The following UMAD1 variants were observed in gnomAD, a reference collection of about 807,000 sequenced individuals.
UMAD1 encodes the protein UBAP1-MVB12-associated (UMA)-domain containing protein 1.
A neutral mutation model predicts 6.1 loss-of-function variants in UMAD1; 8 were observed. The observed-to-expected ratio is 1.30, with a 90% confidence interval of 0.76 to 2.35. UMAD1 has a LOEUF of 2.35. Ranked by LOEUF, UMAD1 falls within the 30% of genes most tolerant of loss-of-function variation. The pLI, the probability that UMAD1 is intolerant of heterozygous loss-of-function variation, is 0.00. For missense variants in UMAD1, 130 were observed against 78.4 expected, an observed-to-expected ratio of 1.66 and a Z score of -2.49; for synonymous variants, 56 against 31.4, an observed-to-expected ratio of 1.78 and a Z score of -2.61.
intron 3 of UMAD1, among the ~76,000 whole-genome samples, chr7:7,822,882 CA>C (rs550818145): frequency 1.3e-5 from 2 of 151,506 alleles, no homozygotes; most frequent in Non-Finnish European, 2.9e-5. Flanking sequence ...GCTTTGTTAA[CA>C]AGTTTTTTTT....
At chr7:7,723,764 G>C (rs113694896) in intron 2 of UMAD1, among the ~76,000 whole-genome samples, 1 of 152,174 alleles carries the variant, frequency 6.6e-6, no homozygotes, top group Non-Finnish European at 1.5e-5. Context: ...GCACTCAGCC[G>C]TCAAAGGCAA....
At chr7:7,876,950 A>C (rs905808880) in intron 3 of UMAD1, among the ~76,000 whole-genome samples, 1 of 152,240 alleles carries the variant, frequency 6.6e-6, no homozygotes, top group African/African-American at 2.4e-5. Flanking sequence ...GCAGCTGAGA[A>C]TTTAGCAGAG....
intron 2 of UMAD1, among the ~76,000 whole-genome samples, chr7:7,703,937 C>CT (rs924853946): frequency 6.6e-6 from 1 of 150,638 alleles, no homozygotes; most frequent in Admixed American, 6.6e-5. Context: ...TAACCTGTCT[C>CT]TTAACAAAGG....
intron 2 of UMAD1, among the ~76,000 whole-genome samples, chr7:7,749,369 G>T (rs565119298): frequency 1.4e-4 from 22 of 152,104 alleles, no homozygotes; most frequent in Non-Finnish European, 2.2e-4. Flanking sequence ...TTAATAGCCC[G>T]TATTCCACGT....
chr7:7,652,786 A>G (rs1035950996), intron 1 of UMAD1, among the ~76,000 whole-genome samples: 1 of 152,238 alleles, frequency 6.6e-6, no homozygotes, highest in Non-Finnish European at 1.5e-5. Flanking sequence ...TTGTTCTTCA[A>G]TGGGGAGGAA....
chr7:7,851,805 T>A (rs536092796), intron 3 of UMAD1, among the ~76,000 whole-genome samples: 1 of 152,342 alleles, frequency 6.6e-6, no homozygotes, highest in East Asian at 1.9e-4. Context: ...ATATACTTTT[T>A]AAATATTTCC....
chr7:7,861,265 A>C (rs779418210), intron 3 of UMAD1, among the ~76,000 whole-genome samples: 1 of 152,220 alleles, frequency 6.6e-6, no homozygotes, highest in Non-Finnish European at 1.5e-5. Flanking sequence ...ATTTTACCAC[A>C]ATAACAAACT....
chr7:7,815,858 C>G (rs369006669), intron 3 of UMAD1, among the ~76,000 whole-genome samples: 15 of 152,234 alleles, frequency 9.9e-5, no homozygotes, highest in African/African-American at 3.6e-4. Flanking sequence ...CAAGAGGTCT[C>G]TGACATAGAT....
rs564104369 is a variant in UMAD1 at position 7,718,596 on chromosome 7, TC to T, written c.82+45144del. 1.1e-4 allele frequency: 16 copies of T among 152,346 alleles called. No homozygotes were observed. The East Asian group carries it at 2.7e-3, about 26-fold the overall frequency. 9.4% of individuals were successfully genotyped at this position (152,346 alleles called of 1,614,324 possible). The stretch of plus-strand genomic sequence containing the variant: ...AAAAATGTCCTCTTGGAGCCTCTTA[TC>T]TGAGTAGCTTCTGTGGATCTGATGA... On this transcript the variant is annotated intron_variant, in intron 2 of 3. Coordinates refer to ENST00000682710, the MANE Select transcript of UMAD1 (RefSeq NM_001302348.2).
At chr7:7,705,157 G>T (rs2115161239) in intron 2 of UMAD1, among the ~76,000 whole-genome samples, 1 of 152,282 alleles carries the variant, frequency 6.6e-6, no homozygotes, top group African/African-American at 2.4e-5. Flanking sequence ...ATGATGAGAA[G>T]AGATCTCAAC....
chr7:7,693,704 C>T (rs1291457267), intron 2 of UMAD1, among the ~76,000 whole-genome samples: 2 of 151,952 alleles, frequency 1.3e-5, no homozygotes, highest in Non-Finnish European at 2.9e-5. Flanking sequence ...GACTTTATTA[C>T]AATTTTAATA....
chr7:7,871,844 GT>G (rs920010483), intron 3 of UMAD1, among the ~76,000 whole-genome samples: 1 of 93,910 alleles, frequency 1.1e-5, no homozygotes, highest in Non-Finnish European at 1.8e-5. Flanking sequence ...ACAGAGAATT[GT>G]CAAAAAAAAA....
intron 2 of UMAD1, among the ~76,000 whole-genome samples, chr7:7,754,782 A>G (rs540097972): frequency 5.3e-5 from 8 of 152,334 alleles, no homozygotes; most frequent in African/African-American, 1.9e-4. Context: ...ATTTTCTAAA[A>G]TCCAAAGGAC....
chr7:7,701,548 T>G (rs573549347), intron 2 of UMAD1, among the ~76,000 whole-genome samples: 1 of 152,196 alleles, frequency 6.6e-6, no homozygotes, highest in African/African-American at 2.4e-5. Context: ...TATGAAGTAG[T>G]ATTTTTCTGA....
intron 2 of UMAD1, among the ~76,000 whole-genome samples, chr7:7,801,137 C>G (rs912268329): frequency 6.6e-6 from 1 of 152,172 alleles, no homozygotes; most frequent in African/African-American, 2.4e-5. Context: ...CCTTAGGAAT[C>G]AAAGTATTAA....
At position 7,647,853 on chromosome 7, in the gene UMAD1, C is replaced by T. The variant is rs74554928; in HGVS notation, c.-64+7032C>T. Among the ~76,000 whole-genome samples the T allele has an allele frequency of 3.9e-5, 6 of 152,320 alleles. No individual in the cohort carries two copies. In the East Asian group the frequency reaches 7.7e-4, roughly 20 times the overall value. On this transcript the variant is annotated intron_variant, in intron 1 of 3. Coordinates refer to ENST00000682710, the MANE Select transcript of UMAD1 (RefSeq NM_001302348.2). The stretch of plus-strand genomic sequence containing the variant: ...CTGCTAGGCTCAAGCAAGCCTCCCT[C>T]CTTGGCCTCTCAGAGTGCTAGGATT...
intron 2 of UMAD1, among the ~76,000 whole-genome samples, chr7:7,710,026 G>A (rs549244585): frequency 5.3e-5 from 8 of 151,954 alleles, no homozygotes; most frequent in East Asian, 1.9e-4. Context: ...TATATAAATC[G>A]AGTCACTCAC....
At chr7:7,781,024 T>G (rs1358727200) in intron 2 of UMAD1, among the ~76,000 whole-genome samples, 1 of 152,226 alleles carries the variant, frequency 6.6e-6, no homozygotes, top group Non-Finnish European at 1.5e-5. Context: ...GAATAAATCC[T>G]GGAAGTGGAT....
intron 2 of UMAD1, among the ~76,000 whole-genome samples, chr7:7,765,164 CA>C (rs1781960842): frequency 6.6e-6 from 1 of 152,000 alleles, no homozygotes. Context: ...TCTCACTGAT[CA>C]AAAATCTCAA....
Sources: allele counts gnomAD v4.1 joint callset (sites outside exome capture counted in the v4.1 genomes callset), GRCh38; gene constraint gnomAD v4.1.1; transcripts MANE v1.5; gene names NCBI Gene and HGNC (gene_info 2026-07-23, HGNC 2026-07-21).